The following PIEZO2 variants were observed in gnomAD, a reference collection of about 807,000 sequenced individuals.
The protein encoded by PIEZO2 is piezo-type mechanosensitive ion channel component 2.
PIEZO2 carries 172 observed loss-of-function variants against 337.3 expected under a neutral mutation model. That is an observed-to-expected ratio of 0.51 (90% CI 0.45 to 0.58). PIEZO2 has a LOEUF of 0.58. Ranked by LOEUF, PIEZO2 falls within the 20% of genes least tolerant of loss-of-function variation. The probability of loss-of-function intolerance (pLI) is 0.00; values close to 1 mark genes in which losing one functional copy is unlikely to be tolerated. For synonymous variants in PIEZO2, 1,251 were observed against 1,228.5 expected (o/e 1.02, Z -0.38); for missense variants, 3,028 against 3,391.3 (o/e 0.89, Z 2.66).
At chr18:10,957,789 A>G (rs1205664898) in intron 3 of PIEZO2, among the ~76,000 whole-genome samples, 1 of 152,254 alleles carries the variant, frequency 6.6e-6, no homozygotes, top group Non-Finnish European at 1.5e-5. Context: ...CTAATATCCA[A>G]AATACATACG....
In PIEZO2 at chr18:10,899,727, C is replaced by T. The variant is rs571174397; in HGVS notation, c.329+11459G>A. On this transcript the variant is annotated intron_variant, in intron 4 of 55. Coordinates refer to ENST00000674853, the MANE Select transcript of PIEZO2 (RefSeq NM_001378183.1). The surrounding 1 kb of genome is among the most constrained non-coding windows in gnomAD (Gnocchi z 4.6). The stretch of plus-strand genomic sequence containing the variant: ...TCTACTGTTCATCATGCTGTCTACA[C>T]CAAGACTTGAAATGTTTCAGTGACA... Among the ~76,000 whole-genome samples the T allele has an allele frequency of 3.9e-5, 6 of 152,298 alleles. No homozygotes were observed. The highest frequency in any genetic ancestry group is 1.4e-4 in the African/African-American group (6 of 41,572).
intron 1 of PIEZO2, among the ~76,000 whole-genome samples, chr18:11,079,186 G>A (rs143570179): frequency 6.6e-6 from 1 of 152,188 alleles, no homozygotes; most frequent in African/African-American, 2.4e-5. Flanking sequence ...CTGGCCCATC[G>A]TTCCACCATA....
rs143178971 is a variant in PIEZO2 at position 10,678,570 on chromosome 18, C to T, written c.7953-695G>A. On this transcript the variant is annotated intron_variant, in intron 52 of 55. Transcript: ENST00000674853. ...CCCAAATGAACCTACTGCTTGTGTG[C>T]CCAAATAAGCTTGCTTAGGGTTCTA... is the stretch of plus-strand genomic sequence containing the variant. 3.1e-3 allele frequency among the ~76,000 whole-genome samples: 469 copies of T among 152,224 alleles called. 1 individual carries two copies. The highest frequency in any genetic ancestry group is 4.4e-3 in the Non-Finnish European group (297 of 68,022).
In PIEZO2 at chr18:11,059,942, A is replaced by G. The variant is rs532016534; in HGVS notation, c.160+6185T>C. On this transcript the variant is annotated intron_variant, in intron 2 of 55. Transcript: ENST00000674853. ...TCTACAGAAGTCTCCACCCCAAATC[A>G]ACAGAATATACATTCTTCTCAGCAC... is the stretch of plus-strand genomic sequence containing the variant. Among the ~76,000 whole-genome samples the G allele has an allele frequency of 2.0e-5, 3 of 152,334 alleles. No homozygotes were observed. The East Asian group carries it at 5.8e-4, about 29-fold the overall frequency.
chr18:11,138,789 CCTT>C, intron 1 of PIEZO2, among the ~76,000 whole-genome samples: 1 of 152,194 alleles, frequency 6.6e-6, no homozygotes, highest in Non-Finnish European at 1.5e-5. Context: ...AGGAACAAAT[CCTT>C]CTGCCTGGGA....
rs1227659664 is a variant in PIEZO2, at chr18:11,016,923, G to GTATT, written c.161-37264_161-37263insAATA. Among the ~76,000 whole-genome samples, 1 of 152,144 alleles carries GTATT rather than the reference G, an allele frequency of 6.6e-6. No homozygotes were observed. Among genetic ancestry groups the GTATT allele is most frequent in the Non-Finnish European group, 1.5e-5 (1 of 68,026 alleles). On this transcript the variant is annotated intron_variant, in intron 2 of 55. Coordinates refer to ENST00000674853, the MANE Select transcript of PIEZO2 (RefSeq NM_001378183.1). This position sits in a 1 kb window ranked among gnomAD's most constrained non-coding sequence, Gnocchi z 5.6. ...CTTGGTCCTGCTGATGTTTAAACAT[G>GTATT]GAGTTGGGAGAGACACTGACAAGCT...
rs146461020 is a variant in PIEZO2 at position 10,943,391 on chromosome 18, G to C, written c.287-32163C>G. ...CCAAGGCCGTGGGAGACCACCTCTTGCATCAGTGTGACCTGGATGTGAGAC... is the reference window on the plus strand; with the variant it reads ...CCAAGGCCGTGGGAGACCACCTCTTCCATCAGTGTGACCTGGATGTGAGAC... On this transcript the variant is annotated intron_variant, in intron 3 of 55. Coordinates refer to ENST00000674853, the MANE Select transcript of PIEZO2 (RefSeq NM_001378183.1). The surrounding 1 kb of genome is among the most constrained non-coding windows in gnomAD (Gnocchi z 4.5). Among the ~76,000 whole-genome samples, 1 of 152,352 alleles carries C rather than the reference G, an allele frequency of 6.6e-6. No individual in the cohort carries two copies. Among genetic ancestry groups the C allele is most frequent in the African/African-American group, 2.4e-5 (1 of 41,586 alleles).
At chr18:10,995,203 G>A (rs1188835765) in intron 2 of PIEZO2, among the ~76,000 whole-genome samples, 2 of 151,602 alleles carry the variant, frequency 1.3e-5, no homozygotes, top group East Asian at 3.9e-4. Context: ...TTGTGATTTT[G>A]ATTTGCATTT....
rs965904519 is a variant in PIEZO2 at position 11,126,742 on chromosome 18, T to C, written c.64+21783A>G. 1.3e-5 allele frequency among the ~76,000 whole-genome samples: 2 copies of C among 152,104 alleles called. No individual in the cohort carries two copies. Among genetic ancestry groups the C allele is most frequent in the African/African-American group, 4.8e-5 (2 of 41,414 alleles). The stretch of plus-strand genomic sequence containing the variant: ...ACAATAATAATTTACATTTATTAGA[T>C]GCTTACTATATGCCAGGTACTGTTA... On this transcript the variant is annotated intron_variant, in intron 1 of 55. Transcript: ENST00000674853. The surrounding 1 kb of genome is among the most constrained non-coding windows in gnomAD (Gnocchi z 4.6).
intron 18 of PIEZO2, among the ~76,000 whole-genome samples, chr18:10,777,554 C>T (rs533078783): frequency 6.6e-6 from 1 of 152,200 alleles, no homozygotes; most frequent in African/African-American, 2.4e-5. Context: ...AAACAAATTA[C>T]TTGACAGGGA....
At chr18:10,977,001 ATGTGTGTGTGTG>A (rs59666101) in intron 3 of PIEZO2, among the ~76,000 whole-genome samples, 3 of 142,794 alleles carry the variant, frequency 2.1e-5, no homozygotes, top group Non-Finnish European at 4.6e-5. Flanking sequence ...AAGAACAAAT[ATGTGTGTGTGTG>A]TGTGTGTGTG....
At chr18:10,705,168 G>A (rs1311793761) in intron 41 of PIEZO2, among the ~76,000 whole-genome samples, 168 bp downstream of exon 41, 1 of 152,210 alleles carries the variant, frequency 6.6e-6, no homozygotes, top group East Asian at 1.9e-4. Context: ...TGGTAGGAGC[G>A]AAGTTTGCTT....
At chr18:11,045,484 C>A (rs995577847) in intron 2 of PIEZO2, among the ~76,000 whole-genome samples, 1 of 152,032 alleles carries the variant, frequency 6.6e-6, no homozygotes, top group Non-Finnish European at 1.5e-5. Flanking sequence ...CACTTCAGCA[C>A]CATGCATGGG....
chr18:11,088,490 T>C (rs970361544), intron 1 of PIEZO2, among the ~76,000 whole-genome samples: 1 of 152,198 alleles, frequency 6.6e-6, no homozygotes, highest in Non-Finnish European at 1.5e-5. Context: ...CTGATTGAAT[T>C]GTATTGATCA....
At chr18:11,062,917 C>A (rs945095134) in intron 2 of PIEZO2, among the ~76,000 whole-genome samples, 8 of 152,122 alleles carry the variant, frequency 5.3e-5, no homozygotes, top group Non-Finnish European at 1.2e-4. Flanking sequence ...TGGGTATATA[C>A]CCAAAGGATT....
At chr18:11,017,624 ACTG>A (rs1305805630) in intron 2 of PIEZO2, among the ~76,000 whole-genome samples, 15 of 152,268 alleles carry the variant, frequency 9.9e-5, no homozygotes, top group African/African-American at 3.6e-4. Context: ...TGGGTGTTGT[ACTG>A]CAGAATGGTT....
chr18:10,685,941 C>T (rs1260354569), intron 49 of PIEZO2, among the ~76,000 whole-genome samples: 1 of 146,276 alleles, frequency 6.8e-6, no homozygotes, highest in Non-Finnish European at 1.5e-5. Flanking sequence ...CTCTTTGCCA[C>T]AACTGACTCG....
At chr18:11,005,489 C>G (rs1277103824) in intron 2 of PIEZO2, among the ~76,000 whole-genome samples, 1 of 152,176 alleles carries the variant, frequency 6.6e-6, no homozygotes, top group Non-Finnish European at 1.5e-5. Flanking sequence ...GATTGAGGTT[C>G]AGAGCCTTGA....
At chr18:10,697,425 A>T (rs973321952) in intron 45 of PIEZO2, among the ~76,000 whole-genome samples, 1 of 152,222 alleles carries the variant, frequency 6.6e-6, no homozygotes, top group Non-Finnish European at 1.5e-5. Flanking sequence ...CCCTTCCAGC[A>T]TTGACACTGT....
Sources: gnomAD v4.1 joint callset for allele counts (sites outside exome capture counted in the v4.1 genomes callset) on GRCh38, gnomAD v4.1.1 for gene constraint, Gnocchi (gnomAD v3.1) non-coding constraint, MANE v1.5 for transcripts, NCBI Gene and HGNC (gene_info 2026-07-23, HGNC 2026-07-21) for gene names.